The following EIF5 variants were observed in gnomAD, a reference collection of about 807,000 sequenced individuals.
EIF5 encodes the protein eukaryotic translation initiation factor 5.
EIF5 carries 10 observed loss-of-function variants against 48.3 expected under a neutral mutation model. The ratio of observed to expected loss-of-function variants is 0.21; its 90% confidence interval spans 0.13 to 0.35. EIF5 has a LOEUF of 0.35. EIF5 is among the 10% of genes least tolerant of loss of function. The pLI, the probability that EIF5 is intolerant of heterozygous loss-of-function variation, is 1.00. For synonymous variants in EIF5, 237 were observed against 173.1 expected (o/e 1.37, Z -2.90); for missense variants, 397 against 533.2 (o/e 0.74, Z 2.51).
rs938661382 is a variant in EIF5 at position 103,343,295 on chromosome 14, A to G, written c.*2243A>G. 5 of 152,198 alleles carry G rather than the reference A, an allele frequency of 3.3e-5. No homozygotes were observed. The highest frequency in any genetic ancestry group is 1.2e-4 in the African/African-American group (5 of 41,440). The allele number at this position is 152,198 out of a possible 1,614,324, so 9.4% of individuals were successfully genotyped here. On this transcript the variant is annotated 3_prime_UTR_variant, in exon 12 of 12. Coordinates refer to ENST00000216554, the MANE Select transcript of EIF5 (RefSeq NM_001969.5). Reference sequence around the variant, plus strand: ...TGTGTTGGATGTATCCTGCAGTTACACTTGCCAGCCCCACTCACAAAAGTT... The same window carrying G: ...TGTGTTGGATGTATCCTGCAGTTACGCTTGCCAGCCCCACTCACAAAAGTT...
rs1490974579 is a variant in EIF5, at chr14:103,339,219, T to G, written c.792T>G (p.Val264=). Residue 264 remains valine (V), a synonymous_variant, in exon 9 of 12, where the codon GTT becomes GTG. Transcript: ENST00000216554. ...TTGATTCATCTGACAAAGAAATCGTTGCTGAAGCAGAAAGACTGGATGTAA... is the reference window on the plus strand; with the variant it reads ...TTGATTCATCTGACAAAGAAATCGTGGCTGAAGCAGAAAGACTGGATGTAA... The part of the protein sequence containing the change: ...GVIDSSDKEI[V]AEAERLDVKA... 6.2e-7 allele frequency: 1 copy of G among 1,610,322 alleles called. No homozygotes were observed.
rs1233202501 is a variant in EIF5 at position 103,341,983 on chromosome 14, T to C, written c.*931T>C. On this transcript the variant is annotated 3_prime_UTR_variant, in exon 12 of 12. Transcript: ENST00000216554. ...CAATTCCAAAATGTTAGACATACTG[T>C]ATTTTTTCGTTCAGTGTGGCTTTAA... is the stretch of plus-strand genomic sequence containing the variant. The C allele has an allele frequency of 6.5e-6, 1 of 152,678 alleles. No individual in the cohort carries two copies. The highest frequency in any genetic ancestry group is 2.4e-5 in the African/African-American group (1 of 41,468). 9.5% of individuals were successfully genotyped at this position (152,678 alleles called of 1,614,324 possible).
Position 103,339,822 on chromosome 14 carries a change from G to T in EIF5, c.1071+19G>T. 1.2e-6 allele frequency: 2 copies of T among 1,605,968 alleles called. No homozygotes were observed. The highest frequency in any genetic ancestry group is 1.1e-5 in the South Asian group (1 of 89,594). Reference sequence around the variant, plus strand: ...GGAAAAGGTGGGGAATACATAGGTGGGCTCTTAAAGTTCACAGGTTTTGGG... The same window carrying T: ...GGAAAAGGTGGGGAATACATAGGTGTGCTCTTAAAGTTCACAGGTTTTGGG... On this transcript the variant is annotated intron_variant, in intron 10 of 11. Coordinates refer to ENST00000216554, the MANE Select transcript of EIF5 (RefSeq NM_001969.5).
chr14:103,339,368 A>G (rs745354012), intron 9 of EIF5, 35 bp downstream of exon 9: 1 of 1,568,812 alleles, frequency 6.4e-7, no homozygotes, highest in South Asian at 1.2e-5. Context: ...AAATGAGATT[A>G]CAGTTGTGTG....
chr14:103,343,675 C>T lies in EIF5; in HGVS notation c.*2623C>T, dbSNP rs1282169687. On this transcript the variant is annotated 3_prime_UTR_variant, in exon 12 of 12. Transcript: ENST00000216554. ...CAAGCACTGACTTTATGCCTTTGGCCTGGAGATGGCAGAAGTGAAAGCTGG... is the reference window on the plus strand; with the variant it reads ...CAAGCACTGACTTTATGCCTTTGGCTTGGAGATGGCAGAAGTGAAAGCTGG... 6 of 152,168 alleles carry T rather than the reference C, an allele frequency of 3.9e-5. No homozygotes were observed. The highest frequency in any genetic ancestry group is 8.8e-5 in the Non-Finnish European group (6 of 68,036). 9.4% of individuals were successfully genotyped at this position (152,168 alleles called of 1,614,324 possible). A position where few individuals can be genotyped will look rare whatever the true frequency, so the allele number is the denominator to read the frequency against.
At position 103,339,685 on chromosome 14, in the gene EIF5, T is replaced by C; in HGVS notation, c.953T>C (p.Leu318Ser). Reference protein sequence around the residue: ...KKAQRYLLHGLECVVAMHQAQ... With the variant: ...KKAQRYLLHGSECVVAMHQAQ... The stretch of plus-strand genomic sequence containing the variant: ...GCCCAACGGTACCTTCTTCATGGTT[T>C]GGAGTGTGTGGTAGCAATGCATCAA... The change falls in exon 10 of 12, where the codon TTG becomes TCG. Residue 318 changes from leucine to serine, a missense_variant. Transcript: ENST00000216554. The C allele has an allele frequency of 6.2e-7, 1 of 1,614,194 alleles. No individual in the cohort carries two copies. The highest frequency in any genetic ancestry group is 8.5e-7 in the Non-Finnish European group (1 of 1,180,036).
intron 4 of EIF5, 96 bp from the exon 5 acceptor site, chr14:103,336,581 C>CAAAAAA: frequency 1.7e-6 from 2 of 1,151,906 alleles, no homozygotes; most frequent in East Asian, 2.9e-5. Context: ...ACTCTTGTCT[C>CAAAAAA]AAAAAAAAAA....
intron 6 of EIF5, chr14:103,338,103 A>G (rs1474452585): frequency 2.9e-6 from 2 of 679,074 alleles, no homozygotes; most frequent in Non-Finnish European, 5.1e-6. Context: ...AGCAGTTACA[A>G]TACCCCTAAT....
intron 11 of EIF5, among the ~76,000 whole-genome samples, 174 bp from the exon 12 acceptor site, chr14:103,340,789 T>C (rs1261719821): frequency 2.6e-5 from 4 of 152,216 alleles, no homozygotes; most frequent in Non-Finnish European, 5.9e-5. Context: ...TTAAAAATGC[T>C]CTTAGACTGG....
At chr14:103,338,057 TA>T in intron 6 of EIF5, 1 of 582,146 alleles carries the variant, frequency 1.7e-6, no homozygotes, top group East Asian at 3.4e-5. Flanking sequence ...CACCTCTCCC[TA>T]GTGGAGGCAT....
rs905001513 is a variant in EIF5, at chr14:103,342,787, T to G, written c.*1735T>G. ...TGTCACACCAAAGAGGATTTTTTTT[T>G]CTTCAAACTTGTATGTTGCCTAGGT... On this transcript the variant is annotated 3_prime_UTR_variant, in exon 12 of 12. Coordinates refer to ENST00000216554, the MANE Select transcript of EIF5 (RefSeq NM_001969.5). 2.6e-5 allele frequency: 4 copies of G among 152,652 alleles called. No homozygotes were observed. Among genetic ancestry groups the G allele is most frequent in the African/African-American group, 9.6e-5 (4 of 41,462 alleles). 9.5% of individuals were successfully genotyped at this position (152,652 alleles called of 1,614,324 possible).
Position 103,344,625 on chromosome 14 carries a change from A to G in EIF5, c.*3573A>G, listed in dbSNP as rs958582267. 2 of 152,222 alleles carry G rather than the reference A, an allele frequency of 1.3e-5. No individual in the cohort carries two copies. Among genetic ancestry groups the G allele is most frequent in the Non-Finnish European group, 2.9e-5 (2 of 68,038 alleles). The allele number at this position is 152,222 out of a possible 1,614,324, so 9.4% of individuals were successfully genotyped here. A position where few individuals can be genotyped will look rare whatever the true frequency, so the allele number is the denominator to read the frequency against. The stretch of plus-strand genomic sequence containing the variant: ...AAGCCTAATGCTGCAGTCAGAAGCA[A>G]TGCCTGGCTGGGGCAGTAGGGGAAA... On this transcript the variant is annotated 3_prime_UTR_variant, in exon 12 of 12. Transcript: ENST00000216554.
chr14:103,335,782 T>C lies in EIF5; in HGVS notation c.-79T>C, dbSNP rs2089277713. 2.0e-6 allele frequency: 3 copies of C among 1,531,014 alleles called. No homozygotes were observed. The highest frequency in any genetic ancestry group is 2.3e-5 in the East Asian group (1 of 44,264). 94.8% of individuals were successfully genotyped at this position (1,531,014 alleles called of 1,614,324 possible). ...TCTTGCAGTCGTTTATGTCATCCCT[T>C]CTTCTCCAGACAGAAGATACCAAAA... is the stretch of plus-strand genomic sequence containing the variant. On this transcript the variant is annotated 5_prime_UTR_variant, in exon 3 of 12. Coordinates refer to ENST00000216554, the MANE Select transcript of EIF5 (RefSeq NM_001969.5).
chr14:103,340,083 C>CT (rs1347703341), intron 10 of EIF5, among the ~76,000 whole-genome samples: 3 of 152,194 alleles, frequency 2.0e-5, no homozygotes, highest in Non-Finnish European at 4.4e-5. Flanking sequence ...TCTCGAACAC[C>CT]TGACCTCAGG....
Position 103,338,465 on chromosome 14 carries a change from A to G in EIF5, c.578A>G (p.His193Arg). Residue 193 changes from histidine to arginine, a missense_variant, in exon 7 of 12, where the codon CAT becomes CGT. His to Arg is a conservative substitution (Grantham distance 29, BLOSUM62 0). Around this residue, in one of 4 missense-constraint regions of EIF5, gnomAD observed 126 missense variants for 141.9 expected, o/e 0.89. Transcript: ENST00000216554. Reference protein sequence around the residue: ...PPPNEINPPPHTMEEEEDDDW... With the variant: ...PPPNEINPPPRTMEEEEDDDW... ...CCAAATGAAATTAATCCTCCTCCAC[A>G]TACAATGGTGAGTGCAGGGTTGATG... is the stretch of plus-strand genomic sequence containing the variant. The G allele has an allele frequency of 1.3e-6, 2 of 1,568,638 alleles. No individual in the cohort carries two copies. Among genetic ancestry groups the G allele is most frequent in the East Asian group, 2.4e-5 (1 of 41,610 alleles).
At chr14:103,338,702 C>T in intron 7 of EIF5, 33 bp from the exon 8 acceptor site, 1 of 1,601,678 alleles carries the variant, frequency 6.2e-7, no homozygotes, top group South Asian at 1.1e-5. Flanking sequence ...GTTTTTAAGG[C>T]CTTTGATCAA....
intron 6 of EIF5, chr14:103,337,960 ATAGACTT>A (rs1365641932): frequency 7.5e-6 from 4 of 536,394 alleles, no homozygotes; most frequent in South Asian, 5.6e-5. Context: ...AAGCCGTTAT[ATAGACTT>A]AAACAGTGTT....
At chr14:103,338,500 G>A (rs1158407104) in intron 7 of EIF5, 28 bp downstream of exon 7, 9 of 1,547,720 alleles carry the variant, frequency 5.8e-6, no homozygotes, top group Non-Finnish European at 7.9e-6. Context: ...GGCCTAGTGG[G>A]CACTAAAGTT....
At position 103,343,313 on chromosome 14, in the gene EIF5, C is replaced by A. The variant is rs2089375359; in HGVS notation, c.*2261C>A. ...CAGTTACACTTGCCAGCCCCACTCACAAAAGTTGTTCATTTCATTGGGTCA... is the reference window on the plus strand; with the variant it reads ...CAGTTACACTTGCCAGCCCCACTCAAAAAAGTTGTTCATTTCATTGGGTCA... On this transcript the variant is annotated 3_prime_UTR_variant, in exon 12 of 12. Coordinates refer to ENST00000216554, the MANE Select transcript of EIF5 (RefSeq NM_001969.5). 1 of 152,214 alleles carries A rather than the reference C, an allele frequency of 6.6e-6. No homozygotes were observed. Among genetic ancestry groups the A allele is most frequent in the Non-Finnish European group, 1.5e-5 (1 of 68,034 alleles). The allele number at this position is 152,214 out of a possible 1,614,324, so 9.4% of individuals were successfully genotyped here.
Sources: gnomAD v4.1 joint callset for allele counts (sites outside exome capture counted in the v4.1 genomes callset) on GRCh38, gnomAD v4.1.1 for gene constraint, gnomAD v4.1.1 regional missense constraint, MANE v1.5 for transcripts, NCBI Gene and HGNC (gene_info 2026-07-23, HGNC 2026-07-21) for gene names.